Variants in SEMA5A observed in about 807,000 individuals in gnomAD.
SEMA5A encodes the protein semaphorin-5A.
A neutral mutation model predicts 135.5 loss-of-function variants in SEMA5A; 55 were observed. The ratio of observed to expected loss-of-function variants is 0.41; its 90% CI spans 0.33 to 0.51. SEMA5A has a LOEUF of 0.51. Among genes scored for constraint, SEMA5A ranks in the 20% least tolerant of loss-of-function variants. The pLI, the probability that SEMA5A is intolerant of heterozygous loss-of-function variation, is 0.37. For synonymous variants in SEMA5A, 580 were observed against 546.5 expected, an observed-to-expected ratio of 1.06 and a Z score of -0.85; for missense variants, 1,290 against 1,419.9, an observed-to-expected ratio of 0.91 and a Z score of 1.47.
chr5:9,159,919 G>T (rs769069300), intron 11 of SEMA5A, among the ~76,000 whole-genome samples: 7 of 152,128 alleles, frequency 4.6e-5, no homozygotes, highest in East Asian at 1.9e-4. Context: ...AGATGAAGCT[G>T]GAAGACATCA....
At chr5:9,106,328 C>A (rs1343102973) in intron 16 of SEMA5A, among the ~76,000 whole-genome samples, 1 of 152,130 alleles carries the variant, frequency 6.6e-6, no homozygotes, top group African/African-American at 2.4e-5. Context: ...TTTAGAAAGA[C>A]CTTCAATTTT....
chr5:9,178,349 T>G (rs1475335055), intron 11 of SEMA5A, among the ~76,000 whole-genome samples: 2 of 88,852 alleles, frequency 2.3e-5, no homozygotes, highest in Non-Finnish European at 5.4e-5. Flanking sequence ...TTTTTTTTTG[T>G]TGAGATGGAG....
intron 1 of SEMA5A, among the ~76,000 whole-genome samples, chr5:9,473,550 C>G (rs1418270026): frequency 1.3e-5 from 2 of 151,380 alleles, no homozygotes; most frequent in Non-Finnish European, 2.9e-5. Context: ...AAATTCAGGC[C>G]AAACCTAGGG....
rs370117437 is a variant in SEMA5A, at chr5:9,308,096, T to C, written c.270+10276A>G. ...GTGGCAGAGACTAGTGTCTGTTCGG[T>C]CAGAGTCAGGAACATCAAGAAAACT... On this transcript the variant is annotated intron_variant, in intron 5 of 22. Coordinates refer to ENST00000382496, the MANE Select transcript of SEMA5A (RefSeq NM_003966.3). Among the ~76,000 whole-genome samples, 4 of 152,192 alleles carry C rather than the reference T, an allele frequency of 2.6e-5. No individual in the cohort carries two copies. In the East Asian group the frequency reaches 5.8e-4, roughly 22 times the overall value.
At chr5:9,335,845 G>A (rs1753366870) in intron 4 of SEMA5A, among the ~76,000 whole-genome samples, 1 of 152,162 alleles carries the variant, frequency 6.6e-6, no homozygotes, top group South Asian at 2.1e-4. Context: ...GAATCAACAG[G>A]TATCTTTGAG....
In SEMA5A at chr5:9,036,543, T is replaced by A. The variant is rs186846117; in HGVS notation, c.*6354A>T. 7.9e-4 allele frequency: 120 copies of A among 152,274 alleles called. No homozygotes were observed. The highest frequency in any genetic ancestry group is 2.8e-3 in the African/African-American group (117 of 41,546). 9.4% of individuals were successfully genotyped at this position (152,274 alleles called of 1,614,324 possible). On this transcript the variant is annotated 3_prime_UTR_variant, in exon 23 of 23. Transcript: ENST00000382496. ...CGTTAACATTCTTATTACAGAACAA[T>A]CACTATGATTTTTTTTGGAACATGT...
intron 5 of SEMA5A, among the ~76,000 whole-genome samples, chr5:9,282,263 C>T (rs1379814809): frequency 2.0e-5 from 3 of 152,078 alleles, no homozygotes; most frequent in Non-Finnish European, 4.4e-5. Flanking sequence ...TACAAAAACA[C>T]ACCAAATAGA....
chr5:9,182,002 G>C (rs940037619), intron 11 of SEMA5A, among the ~76,000 whole-genome samples: 2 of 152,004 alleles, frequency 1.3e-5, no homozygotes, highest in Non-Finnish European at 2.9e-5. Flanking sequence ...ATGAAAGACA[G>C]CACAACTTCC....
chr5:9,041,328 G>A lies in SEMA5A; in HGVS notation c.*1569C>T, dbSNP rs959863060. The A allele has an allele frequency of 3.3e-5, 5 of 152,180 alleles. No individual in the cohort carries two copies. The South Asian group carries it at 6.2e-4, about 19-fold the overall frequency. The allele number at this position is 152,180 out of a possible 1,614,324, so 9.4% of individuals were successfully genotyped here. On this transcript the variant is annotated 3_prime_UTR_variant, in exon 23 of 23. Coordinates refer to ENST00000382496, the MANE Select transcript of SEMA5A (RefSeq NM_003966.3). ...CTACTATATTTTCTTTCATAGATCCGAAGGTTCATTTGTAAGAACACGTTT... is the reference window on the plus strand; with the variant it reads ...CTACTATATTTTCTTTCATAGATCCAAAGGTTCATTTGTAAGAACACGTTT...
Position 9,122,804 on chromosome 5 carries a change from C to T in SEMA5A, c.1633G>A (p.Val545Met). 1.2e-6 allele frequency: 2 copies of T among 1,608,608 alleles called. No individual in the cohort carries two copies. Among genetic ancestry groups the T allele is most frequent in the Non-Finnish European group, 1.7e-6 (2 of 1,176,866 alleles). ...RNLTVDGHFG[V>M]WSPWTPCTHT... Reference sequence around the variant, plus strand: ...GTGCAAGGCGTCCACGGAGACCACACACCAAAGTGCCCATCCACGGTGAGA... The same window carrying T: ...GTGCAAGGCGTCCACGGAGACCACATACCAAAGTGCCCATCCACGGTGAGA... Residue 545 changes from valine (V) to methionine (M), a missense_variant, in exon 14 of 23, where the codon GTG (valine) becomes ATG (methionine). Val to Met is a conservative substitution (Grantham distance 21). Transcript: ENST00000382496.
chr5:9,344,165 T>C (rs936297150), intron 3 of SEMA5A, among the ~76,000 whole-genome samples: 1 of 152,230 alleles, frequency 6.6e-6, no homozygotes, highest in Non-Finnish European at 1.5e-5. Context: ...AGGAATTGTA[T>C]GAGATACTTT....
chr5:9,231,951 A>C (rs1408439203), intron 6 of SEMA5A, among the ~76,000 whole-genome samples: 2 of 152,190 alleles, frequency 1.3e-5, no homozygotes, highest in African/African-American at 4.8e-5. Context: ...CAGCACTTGA[A>C]CATTAAAATG....
At chr5:9,114,944 T>C (rs1740434976) in intron 15 of SEMA5A, among the ~76,000 whole-genome samples, 1 of 152,192 alleles carries the variant, frequency 6.6e-6, no homozygotes, top group African/African-American at 2.4e-5. Flanking sequence ...GAGTCCTTTC[T>C]AGAGCAAGTG....
chr5:9,127,392 C>T (rs111520439), intron 13 of SEMA5A, among the ~76,000 whole-genome samples: 220 of 152,274 alleles, frequency 1.4e-3, no homozygotes, highest in African/African-American at 4.8e-3. Context: ...ATGTACTTAG[C>T]GCAAACAGTG....
intron 2 of SEMA5A, among the ~76,000 whole-genome samples, chr5:9,394,589 C>T (rs1453905603): frequency 7.2e-5 from 11 of 152,046 alleles, no homozygotes; most frequent in Admixed American, 7.2e-4. Context: ...AATAACAAGT[C>T]ATGGAAAGAA....
chr5:9,157,319 G>A (rs555233346), intron 11 of SEMA5A, among the ~76,000 whole-genome samples: 6 of 152,268 alleles, frequency 3.9e-5, no homozygotes, highest in East Asian at 1.9e-4. Context: ...CTTCAAAGCC[G>A]GGATCTGTCT....
chr5:9,349,950 T>C (rs889890923), intron 3 of SEMA5A, among the ~76,000 whole-genome samples: 1 of 151,694 alleles, frequency 6.6e-6, no homozygotes, highest in Non-Finnish European at 1.5e-5. Context: ...GCTATCAAAA[T>C]AAAATTCATT....
At chr5:9,358,250 C>A (rs1754538875) in intron 3 of SEMA5A, among the ~76,000 whole-genome samples, 1 of 152,192 alleles carries the variant, frequency 6.6e-6, no homozygotes, top group Non-Finnish European at 1.5e-5. Flanking sequence ...CCACTAAGAA[C>A]CACACTGGCT....
chr5:9,265,157 C>T (rs1217996292), intron 5 of SEMA5A, among the ~76,000 whole-genome samples: 2 of 152,058 alleles, frequency 1.3e-5, no homozygotes, highest in African/African-American at 4.8e-5. Context: ...CCCAAACCAC[C>T]GCGAGACATT....
Sources: allele counts gnomAD v4.1 joint callset (sites outside exome capture counted in the v4.1 genomes callset), GRCh38; gene constraint gnomAD v4.1.1; transcripts MANE v1.5; gene names NCBI Gene and HGNC (gene_info 2026-07-23, HGNC 2026-07-21).